The following NCK1 variants were observed in gnomAD, a reference collection of about 807,000 sequenced individuals.
The protein encoded by NCK1 is SH2/SH3 adapter protein NCK1.
A neutral mutation model predicts 36.6 loss-of-function variants in NCK1; 19 were observed. The observed-to-expected ratio is 0.52, with a 90% CI of 0.36 to 0.76. NCK1 has a LOEUF of 0.76. Ranked by LOEUF, NCK1 falls within the 30% of genes least tolerant of loss-of-function variation. The pLI, the probability that NCK1 is intolerant of heterozygous loss-of-function variation, is 0.00. For missense variants in NCK1, 358 were observed against 445.6 expected, an observed-to-expected ratio of 0.80 and a Z score of 1.77; for synonymous variants, 165 against 156.0, an observed-to-expected ratio of 1.06 and a Z score of -0.43.
At chr3:136,944,111 C>CTTTTTT (rs1560055771) in intron 2 of NCK1, among the ~76,000 whole-genome samples, 4,168 of 80,756 alleles carry the variant, frequency 0.052, 478 homozygotes, top group Non-Finnish European at 0.068. Flanking sequence ...GGAAAAACAA[C>CTTTTTT]CTTTTTTTTT....
At chr3:136,899,743 C>A in intron 1 of NCK1, 1 of 1,028,578 alleles carries the variant, frequency 9.7e-7, no homozygotes, top group South Asian at 1.3e-5. Context: ...CTACTATTGC[C>A]ATGTTTTTCA....
Position 136,945,902 on chromosome 3 carries a change from C to A in NCK1, c.546C>A (p.Val182=). 1.2e-6 allele frequency: 2 copies of A among 1,613,936 alleles called. No homozygotes were observed. The highest frequency in any genetic ancestry group is 1.1e-5 in the South Asian group (1 of 91,042). Residue 182 remains valine, a synonymous_variant, in exon 3 of 4, where the codon GTC becomes GTA. Transcript: ENST00000481752. ...CTCTGTCAGAGAAATTAGCAGCAGTCGTCAATAACCTAAATACTGGGCAAG... is the reference window on the plus strand; with the variant it reads ...CTCTGTCAGAGAAATTAGCAGCAGTAGTCAATAACCTAAATACTGGGCAAG... ...VGSLSEKLAA[V]VNNLNTGQVL...
intron 1 of NCK1, among the ~76,000 whole-genome samples, chr3:136,897,658 T>A (rs1181600998): frequency 6.6e-6 from 1 of 152,218 alleles, no homozygotes; most frequent in Non-Finnish European, 1.5e-5. Flanking sequence ...ACATATTTTC[T>A]CCCATTCAGC....
In NCK1 at chr3:136,867,489, TC is replaced by T. The variant is rs1264342588; in HGVS notation, c.-19+5139del. 2.1e-5 allele frequency: 3 copies of T among 140,064 alleles called. No homozygotes were observed. The East Asian group carries it at 6.8e-4, about 32-fold the overall frequency. The allele number at this position is 140,064 out of a possible 1,614,324, so 8.7% of individuals were successfully genotyped here. On this transcript the variant is annotated intron_variant, in intron 1 of 3. Coordinates refer to ENST00000481752, the MANE Select transcript of NCK1 (RefSeq NM_001291999.2). ...TTGAATTCCTGGCCTCAAACGATCC[TC>T]CCACCTTGGCTTCTCAACGTGCTGG...
Position 136,948,460 on chromosome 3 carries a change from T to C in NCK1, c.*7T>C, listed in dbSNP as rs1186474563. The stretch of plus-strand genomic sequence containing the variant: ...TGTCAAGCATTTATCATGATACTGC[T>C]GACCAGAAGTGACTGCTGTGTAGCT... On this transcript the variant is annotated 3_prime_UTR_variant, in exon 4 of 4. Transcript: ENST00000481752. 2 of 1,605,486 alleles carry C rather than the reference T, an allele frequency of 1.2e-6. No homozygotes were observed. The highest frequency in any genetic ancestry group is 2.2e-5 in the East Asian group (1 of 44,784).
At chr3:136,899,406 C>A in intron 1 of NCK1, 1 of 235,512 alleles carries the variant, frequency 4.2e-6, no homozygotes. Flanking sequence ...GGGATTTTAC[C>A]TTCATTTCTT....
chr3:136,886,246 C>T, intron 1 of NCK1, among the ~76,000 whole-genome samples: 1 of 148,132 alleles, frequency 6.8e-6, no homozygotes, highest in African/African-American at 2.5e-5. Context: ...TATAGTTATC[C>T]TTTTTTTTTT....
chr3:136,924,476 C>A (rs1940190299), intron 1 of NCK1, among the ~76,000 whole-genome samples: 1 of 151,932 alleles, frequency 6.6e-6, no homozygotes, highest in Non-Finnish European at 1.5e-5. Flanking sequence ...TGCAATATAT[C>A]GACTTAGTTT....
intron 1 of NCK1, among the ~76,000 whole-genome samples, chr3:136,921,268 A>G (rs1281806505): frequency 1.3e-5 from 2 of 152,242 alleles, no homozygotes; most frequent in Non-Finnish European, 2.9e-5. Flanking sequence ...AATCACTTTC[A>G]GATATGCATT....
At chr3:136,931,450 T>A (rs1275559991) in intron 2 of NCK1, among the ~76,000 whole-genome samples, 2 of 152,198 alleles carry the variant, frequency 1.3e-5, no homozygotes, top group Admixed American at 1.3e-4. Flanking sequence ...AAGCACTTTG[T>A]TGAAAAAGAA....
At chr3:136,923,979 T>G (rs1278648989) in intron 1 of NCK1, among the ~76,000 whole-genome samples, 2 of 152,180 alleles carry the variant, frequency 1.3e-5, no homozygotes, top group African/African-American at 4.8e-5. Context: ...AAGCAAAATT[T>G]TCCTTTGAGA....
chr3:136,919,885 G>C (rs1940061202), intron 1 of NCK1, among the ~76,000 whole-genome samples: 1 of 152,142 alleles, frequency 6.6e-6, no homozygotes, highest in Non-Finnish European at 1.5e-5. Context: ...TTTAGATTCT[G>C]TTGTACTTTA....
At chr3:136,897,845 G>A (rs568844256) in intron 1 of NCK1, among the ~76,000 whole-genome samples, 1 of 152,248 alleles carries the variant, frequency 6.6e-6, no homozygotes, top group East Asian at 1.9e-4. Flanking sequence ...TCAGAAGCTA[G>A]TTGAAATTCT....
intron 2 of NCK1, among the ~76,000 whole-genome samples, chr3:136,933,444 C>A (rs1382511177): frequency 1.3e-5 from 2 of 152,152 alleles, no homozygotes; most frequent in Non-Finnish European, 2.9e-5. Context: ...AGTGCTTAAC[C>A]AGGTTCTTAA....
At chr3:136,923,488 G>T (rs1159752522) in intron 1 of NCK1, among the ~76,000 whole-genome samples, 1 of 152,076 alleles carries the variant, frequency 6.6e-6, no homozygotes, top group Non-Finnish European at 1.5e-5. Context: ...CTGGGAGGCG[G>T]AGGTTGCAGT....
intron 2 of NCK1, among the ~76,000 whole-genome samples, chr3:136,930,980 CTT>C (rs34682748): frequency 1.1e-3 from 160 of 149,282 alleles, no homozygotes; most frequent in East Asian, 2.2e-3. Context: ...TTGGAATTAA[CTT>C]TTTTTTTTTT....
At chr3:136,902,007 T>G (rs1939552096) in intron 1 of NCK1, among the ~76,000 whole-genome samples, 1 of 152,150 alleles carries the variant, frequency 6.6e-6, no homozygotes. Flanking sequence ...AATTTCCCTC[T>G]TTGCACTGTT....
chr3:136,862,493 C>G (rs1938252462), intron 1 of NCK1, 140 bp downstream of exon 1: 7 of 151,416 alleles, frequency 4.6e-5, no homozygotes. Context: ...AGGCTCGGAG[C>G]CGAGCCGGAG....
intron 1 of NCK1, among the ~76,000 whole-genome samples, chr3:136,868,008 C>G (rs1246304753): frequency 6.6e-6 from 1 of 151,930 alleles, no homozygotes; most frequent in African/African-American, 2.4e-5. Flanking sequence ...ACCTCCGCCT[C>G]TCGGGTTCAA....
Sources: gnomAD v4.1 joint callset for allele counts (sites outside exome capture counted in the v4.1 genomes callset) on GRCh38, gnomAD v4.1.1 for gene constraint, MANE v1.5 for transcripts, NCBI Gene and HGNC (gene_info 2026-07-23, HGNC 2026-07-21) for gene names.